VWC2L: variants seen among roughly 807,000 people sequenced by gnomAD.
VWC2L encodes von Willebrand factor C domain-containing protein 2-like.
VWC2L carries 10 observed loss-of-function variants against 21.6 expected under a neutral mutation model. The observed-to-expected ratio is 0.46, with a 90% CI of 0.29 to 0.78. The LOEUF is 0.78. Among genes scored for constraint, VWC2L ranks in the 30% least tolerant of loss-of-function variants. The probability of loss-of-function intolerance (pLI) is 0.10; values close to 1 mark genes in which losing one functional copy is unlikely to be tolerated. For synonymous variants in VWC2L, 96 were observed against 94.3 expected, an observed-to-expected ratio of 1.02 and a Z score of -0.10; for missense variants, 209 against 277.1, an observed-to-expected ratio of 0.75 and a Z score of 1.74.
chr2:214,469,248 C>T (rs931291175), intron 3 of VWC2L, among the ~76,000 whole-genome samples: 2 of 152,152 alleles, frequency 1.3e-5, no homozygotes, highest in African/African-American at 2.4e-5. Context: ...CAATTAATGA[C>T]GATCTTATAT....
chr2:214,520,094 T>C (rs77210314), intron 3 of VWC2L, among the ~76,000 whole-genome samples: 1,533 of 67,382 alleles, frequency 0.023, 25 homozygotes, highest in African/African-American at 0.056. Flanking sequence ...CACACACTTA[T>C]GTAGATGTCT....
chr2:214,527,288 G>GT lies in VWC2L; in HGVS notation c.521-48382dup, dbSNP rs1212601335. Among the ~76,000 whole-genome samples, 11 of 152,200 alleles carry GT rather than the reference G, an allele frequency of 7.2e-5. No individual in the cohort carries two copies. In the South Asian group the frequency reaches 2.1e-3, roughly 29 times the overall value. On this transcript the variant is annotated intron_variant, in intron 3 of 3. Transcript: ENST00000312504. ...TGGGGCAAGAGTCAAAACACTATCA[G>GT]TTACTATGCTCGCTACCTGGTTGAC...
intron 3 of VWC2L, among the ~76,000 whole-genome samples, chr2:214,522,219 C>CA (rs1559317335): frequency 6.6e-6 from 1 of 151,824 alleles, no homozygotes; most frequent in African/African-American, 2.4e-5. Flanking sequence ...ACTAAAAATA[C>CA]AAAAAATTAG....
chr2:214,468,764 G>A (rs1703262113), intron 3 of VWC2L, among the ~76,000 whole-genome samples: 1 of 152,118 alleles, frequency 6.6e-6, no homozygotes, highest in Admixed American at 6.6e-5. Flanking sequence ...AGAGGAGATG[G>A]ATCATTTGAC....
chr2:214,477,441 A>G (rs993822713), intron 3 of VWC2L, among the ~76,000 whole-genome samples: 1 of 151,522 alleles, frequency 6.6e-6, no homozygotes, highest in South Asian at 2.1e-4. Context: ...GAGATTTACA[A>G]CCCCCTCCTG....
intron 3 of VWC2L, among the ~76,000 whole-genome samples, chr2:214,445,504 ATGTG>A (rs1286260456): frequency 6.6e-6 from 1 of 151,794 alleles, no homozygotes; most frequent in African/African-American, 2.4e-5. Context: ...ATGTACATAT[ATGTG>A]TGTATGTATG....
intron 3 of VWC2L, among the ~76,000 whole-genome samples, chr2:214,512,669 TAA>T (rs1010652874): frequency 1.4e-4 from 21 of 151,048 alleles, no homozygotes; most frequent in Non-Finnish European, 3.1e-4. Context: ...TGACCAAATG[TAA>T]AAGAGTAGGT....
chr2:214,450,952 G>C (rs1702944598), intron 3 of VWC2L, among the ~76,000 whole-genome samples: 1 of 152,034 alleles, frequency 6.6e-6, no homozygotes, highest in Non-Finnish European at 1.5e-5. Flanking sequence ...TTACTAATTT[G>C]TGGAGGAGGA....
intron 3 of VWC2L, among the ~76,000 whole-genome samples, chr2:214,457,549 G>A (rs1000631271): frequency 6.6e-6 from 1 of 152,006 alleles, no homozygotes; most frequent in Non-Finnish European, 1.5e-5. Context: ...GTGAAAGTGG[G>A]CATTCTTGTC....
At chr2:214,500,578 T>C (rs935063350) in intron 3 of VWC2L, among the ~76,000 whole-genome samples, 42 of 152,372 alleles carry the variant, frequency 2.8e-4, no homozygotes, top group African/African-American at 1.0e-3. Flanking sequence ...TGCTGCCAGC[T>C]TCTGAAGACC....
At chr2:214,497,705 C>T (rs763873275) in intron 3 of VWC2L, among the ~76,000 whole-genome samples, 3 of 152,144 alleles carry the variant, frequency 2.0e-5, no homozygotes, top group South Asian at 2.1e-4. Context: ...GCAGTGGTGA[C>T]GAAAATGCCT....
chr2:214,513,727 A>G (rs1176004674), intron 3 of VWC2L, among the ~76,000 whole-genome samples: 1 of 152,106 alleles, frequency 6.6e-6, no homozygotes, highest in East Asian at 1.9e-4. Context: ...AGAATAAATG[A>G]TCCTCAAGTT....
chr2:214,515,142 C>G (rs1257888960), intron 3 of VWC2L, among the ~76,000 whole-genome samples: 1 of 152,154 alleles, frequency 6.6e-6, no homozygotes, highest in East Asian at 1.9e-4. Context: ...GATTGCAGCT[C>G]TATCTGTCCT....
chr2:214,435,290 C>T (rs1416813420), intron 2 of VWC2L, among the ~76,000 whole-genome samples: 1 of 152,170 alleles, frequency 6.6e-6, no homozygotes, highest in Non-Finnish European at 1.5e-5. Context: ...TTAAACACAA[C>T]TCACCACATG....
At chr2:214,451,313 G>GT (rs975746341) in intron 3 of VWC2L, among the ~76,000 whole-genome samples, 1 of 147,270 alleles carries the variant, frequency 6.8e-6, no homozygotes, top group African/African-American at 2.5e-5. Context: ...CGGTGTGGGG[G>GT]GGGGGGGCAG....
rs575310900 is a variant in VWC2L, at chr2:214,544,159, T to C, written c.521-31513T>C. 2.4e-4 allele frequency among the ~76,000 whole-genome samples: 36 copies of C among 152,294 alleles called. 1 individual carries two copies. Among genetic ancestry groups the C allele is most frequent in the Non-Finnish European group, 4.3e-4 (29 of 68,024 alleles). ...GCTTCTGATTCCAAGTTATTTGCTC[T>C]GTGTTTGTGAAAAGGGGAAAGGGAG... On this transcript the variant is annotated intron_variant, in intron 3 of 3. Transcript: ENST00000312504.
chr2:214,559,543 C>G (rs1183082441), intron 3 of VWC2L, among the ~76,000 whole-genome samples: 1 of 152,062 alleles, frequency 6.6e-6, no homozygotes, highest in Non-Finnish European at 1.5e-5. Flanking sequence ...TGGACTTCTA[C>G]ACTAGATTAA....
At chr2:214,468,885 C>A (rs755173586) in intron 3 of VWC2L, among the ~76,000 whole-genome samples, 10 of 152,136 alleles carry the variant, frequency 6.6e-5, no homozygotes, top group Non-Finnish European at 1.5e-4. Context: ...ATGGAATACA[C>A]AAACTTTGTA....
chr2:214,572,980 G>T (rs894948405), intron 3 of VWC2L, among the ~76,000 whole-genome samples: 7 of 152,140 alleles, frequency 4.6e-5, no homozygotes, highest in African/African-American at 1.4e-4. Flanking sequence ...CTTGAGCTGA[G>T]AGTGCAGCAA....
Sources: allele counts gnomAD v4.1 joint callset (sites outside exome capture counted in the v4.1 genomes callset), GRCh38; gene constraint gnomAD v4.1.1; transcripts MANE v1.5; gene names NCBI Gene and HGNC (gene_info 2026-07-23, HGNC 2026-07-21).